CCDC62: variants seen among roughly 807,000 people sequenced by gnomAD.
The protein encoded by CCDC62 is coiled-coil domain containing 62.
Under a neutral mutation model 80.8 loss-of-function variants are expected in CCDC62, and 72 were observed. The ratio of observed to expected loss-of-function variants is 0.89; its 90% confidence interval spans 0.74 to 1.08. The LOEUF (loss-of-function observed/expected upper bound fraction) is 1.08. CCDC62 is among the 50% of genes least tolerant of loss of function. CCDC62 has a pLI of 0.00. For missense variants in CCDC62, 704 were observed against 809.4 expected (o/e 0.87, Z 1.58); for synonymous variants, 286 against 296.5 (o/e 0.96, Z 0.36).
chr12:122,794,960 C>T (rs549359539), intron 6 of CCDC62, among the ~76,000 whole-genome samples: 4 of 152,276 alleles, frequency 2.6e-5, no homozygotes, highest in South Asian at 2.1e-4. Flanking sequence ...CATGAGCCAT[C>T]GTGCTTGGCT....
intron 11 of CCDC62, among the ~76,000 whole-genome samples, chr12:122,822,574 A>ATTTTTT (rs71085861): frequency 1.7e-5 from 2 of 117,778 alleles, no homozygotes; most frequent in African/African-American, 3.6e-5. Flanking sequence ...TGAGTTCCAC[A>ATTTTTT]TTTTTTTTTT....
Position 122,806,945 on chromosome 12 carries a change from C to T in CCDC62, c.1851+650C>T, listed in dbSNP as rs994919849. Among the ~76,000 whole-genome samples, 4 of 152,044 alleles carry T rather than the reference C, an allele frequency of 2.6e-5. No homozygotes were observed. In the Middle Eastern group the frequency reaches 0.01, roughly 388 times the overall value. On this transcript the variant is annotated intron_variant, in intron 10 of 12. Coordinates refer to ENST00000253079, the MANE Select transcript of CCDC62 (RefSeq NM_201435.5). ...ACTGCTTGGTCTCAGCTGCCCCTTC[C>T]TCCAAATACACAACCCCTGGCAGTG...
At chr12:122,811,821 CAAAAAAAAAAAAAAAAAAAAAA>C in intron 10 of CCDC62, among the ~76,000 whole-genome samples, 1 of 34,648 alleles carries the variant, frequency 2.9e-5, no homozygotes. Flanking sequence ...ACTCCATCTG[CAAAAAAAAAAAAAAAAAAAAAA>C]AAAAAAAAAA....
At chr12:122,802,373 A>T (rs970305002) in intron 9 of CCDC62, among the ~76,000 whole-genome samples, 1 of 148,796 alleles carries the variant, frequency 6.7e-6, no homozygotes, top group African/African-American at 2.5e-5. Context: ...GGAGTTTGAG[A>T]CCAGCATGGG....
intron 12 of CCDC62, among the ~76,000 whole-genome samples, chr12:122,824,652 T>A (rs905757730): frequency 6.6e-6 from 1 of 152,112 alleles, no homozygotes; most frequent in Non-Finnish European, 1.5e-5. Context: ...GATCCAATAA[T>A]CCCACTACTG....
rs2032666451 is a variant in CCDC62, at chr12:122,827,147, C to T, written c.*766C>T. On this transcript the variant is annotated 3_prime_UTR_variant, in exon 13 of 13. Coordinates refer to ENST00000253079, the MANE Select transcript of CCDC62 (RefSeq NM_201435.5). ...TTTTTAAAGATTATACTATATGCCTCTGTGTCTTCTCTAAAAGAATAGATC... is the reference window on the plus strand; with the variant it reads ...TTTTTAAAGATTATACTATATGCCTTTGTGTCTTCTCTAAAAGAATAGATC... 1 of 152,142 alleles carries T rather than the reference C, an allele frequency of 6.6e-6. No individual in the cohort carries two copies. The highest frequency in any genetic ancestry group is 6.5e-5 in the Admixed American group (1 of 15,270). 9.4% of individuals were successfully genotyped at this position (152,142 alleles called of 1,614,324 possible).
Position 122,785,741 on chromosome 12 carries a change from A to T in CCDC62, c.419A>T (p.Asn140Ile). 6.2e-7 allele frequency: 1 copy of T among 1,613,708 alleles called. No homozygotes were observed. Among genetic ancestry groups the T allele is most frequent in the Non-Finnish European group, 8.5e-7 (1 of 1,179,596 alleles). ...DLEARNETLS[N>I]TLVELSAQVG... ...TAGGCTAGAAACGAAACTCTCAGCA[A>T]CACGTTAGTGGAACTTTCTGCCCAG... The change falls in exon 4 of 13, where the codon AAC becomes ATC. Residue 140 changes from asparagine (N) to isoleucine (I), a missense_variant. Transcript: ENST00000253079.
chr12:122,818,548 T>A (rs1432724186), intron 11 of CCDC62, among the ~76,000 whole-genome samples: 1 of 151,350 alleles, frequency 6.6e-6, no homozygotes, highest in Non-Finnish European at 1.5e-5. Context: ...CGCTTGAGCA[T>A]GAGGTCAAGG....
chr12:122,781,600 G>A (rs1345660906), intron 3 of CCDC62, among the ~76,000 whole-genome samples: 1 of 151,516 alleles, frequency 6.6e-6, no homozygotes, highest in African/African-American at 2.4e-5. Context: ...CAGGAGAATC[G>A]TTTGAACCCG....
At chr12:122,802,897 G>A (rs1379670893) in intron 9 of CCDC62, among the ~76,000 whole-genome samples, 1 of 152,074 alleles carries the variant, frequency 6.6e-6, no homozygotes, top group African/African-American at 2.4e-5. Context: ...GGCATGGGTG[G>A]CAAACACGTG....
At chr12:122,811,945 A>G (rs2031910837) in intron 10 of CCDC62, among the ~76,000 whole-genome samples, 1 of 152,054 alleles carries the variant, frequency 6.6e-6, no homozygotes, top group African/African-American at 2.4e-5. Context: ...GGAATAAACG[A>G]AGGCACATAC....
intron 11 of CCDC62, among the ~76,000 whole-genome samples, chr12:122,817,966 G>T (rs1283849357): frequency 6.6e-6 from 1 of 152,108 alleles, no homozygotes; most frequent in African/African-American, 2.4e-5. Context: ...TCTGCCACAG[G>T]CGGTCTCAGG....
At chr12:122,800,507 A>G (rs957275570) in intron 8 of CCDC62, among the ~76,000 whole-genome samples, 1 of 150,106 alleles carries the variant, frequency 6.7e-6, no homozygotes, top group Non-Finnish European at 1.5e-5. Context: ...AGCTCACTGC[A>G]ACCTCCACCT....
chr12:122,793,041 T>A (rs2030724548), intron 6 of CCDC62, among the ~76,000 whole-genome samples: 1 of 152,170 alleles, frequency 6.6e-6, no homozygotes, highest in African/African-American at 2.4e-5. Flanking sequence ...AAAAATGCAT[T>A]TAATGAAGCC....
intron 12 of CCDC62, among the ~76,000 whole-genome samples, chr12:122,823,704 A>T (rs1180150194): frequency 8.9e-6 from 1 of 112,968 alleles, no homozygotes; most frequent in South Asian, 2.7e-4. Flanking sequence ...CTTGTCTCTT[A>T]AAAAAAAAAA....
At chr12:122,795,075 G>T (rs150530096) in intron 6 of CCDC62, among the ~76,000 whole-genome samples, 32 of 152,162 alleles carry the variant, frequency 2.1e-4, no homozygotes, top group African/African-American at 7.7e-4. Flanking sequence ...TTCGGAGATG[G>T]AGTCTTGGTC....
chr12:122,810,371 A>G (rs2031817872), intron 10 of CCDC62, among the ~76,000 whole-genome samples: 1 of 152,248 alleles, frequency 6.6e-6, no homozygotes, highest in African/African-American at 2.4e-5. Context: ...ATATGAATAG[A>G]CACTTCTCAA....
chr12:122,794,212 C>T (rs988017171), intron 6 of CCDC62, among the ~76,000 whole-genome samples: 14 of 152,058 alleles, frequency 9.2e-5, no homozygotes, highest in Admixed American at 8.5e-4. Flanking sequence ...ATATTTTTAT[C>T]ATATACTAAG....
At chr12:122,812,802 A>G (rs1473838016) in intron 10 of CCDC62, among the ~76,000 whole-genome samples, 3 of 145,520 alleles carry the variant, frequency 2.1e-5, no homozygotes, top group African/African-American at 7.6e-5. Flanking sequence ...AAAGAAAGAA[A>G]GAAAGAAAGA....
Sources: allele counts gnomAD v4.1 joint callset (sites outside exome capture counted in the v4.1 genomes callset), GRCh38; gene constraint gnomAD v4.1.1; transcripts MANE v1.5; gene names NCBI Gene and HGNC (gene_info 2026-07-23, HGNC 2026-07-21).